Variants in SCP2 observed in about 807,000 individuals in gnomAD.
SCP2 encodes SCP-2/3-oxoacyl-CoA thiolase.
In SCP2, 48 loss-of-function variants were observed where a neutral mutation model predicts 71.4. The observed-to-expected ratio is 0.67, with a 90% CI of 0.53 to 0.86. SCP2 has a LOEUF of 0.86. Among genes scored for constraint, SCP2 ranks in the 40% least tolerant of loss-of-function variants. SCP2 has a pLI of 0.00. For synonymous variants in SCP2, 220 were observed against 218.1 expected, an observed-to-expected ratio of 1.01 and a Z score of -0.08; for missense variants, 560 against 655.6, an observed-to-expected ratio of 0.85 and a Z score of 1.59.
chr1:53,036,423 A>T (rs552064990), intron 13 of SCP2, among the ~76,000 whole-genome samples: 30 of 150,274 alleles, frequency 2.0e-4, no homozygotes, highest in Non-Finnish European at 1.5e-4. Flanking sequence ...AATCCCTAGA[A>T]TTAAACTTTG....
intron 11 of SCP2, among the ~76,000 whole-genome samples, chr1:53,001,937 C>A (rs920320125): frequency 6.6e-6 from 1 of 152,128 alleles, no homozygotes; most frequent in Non-Finnish European, 1.5e-5. Context: ...GTAATCCCAG[C>A]ACTTTGGGAG....
chr1:53,039,460 C>G (rs1663265196), intron 14 of SCP2, among the ~76,000 whole-genome samples: 1 of 152,206 alleles, frequency 6.6e-6, no homozygotes, highest in Non-Finnish European at 1.5e-5. Context: ...GGCTGGTGGC[C>G]TTGGAAGACC....
rs529590854 is a variant in SCP2 at position 52,931,640 on chromosome 1, C to A, written c.69+4175C>A. 4.9e-4 allele frequency among the ~76,000 whole-genome samples: 75 copies of A among 152,324 alleles called. 1 individual carries two copies. Among genetic ancestry groups the A allele is most frequent in the African/African-American group, 1.6e-3 (68 of 41,566 alleles). The stretch of plus-strand genomic sequence containing the variant: ...TGGAATGGCTGCAGAGAAAAGCCAG[C>A]TTGCTACTCCATCATCTTGTGGTGA... On this transcript the variant is annotated intron_variant, in intron 1 of 15. Transcript: ENST00000371514.
intron 12 of SCP2, among the ~76,000 whole-genome samples, chr1:53,024,448 G>A (rs2150240881): frequency 6.6e-6 from 1 of 152,058 alleles, no homozygotes; most frequent in Admixed American, 6.6e-5. Flanking sequence ...AATATGGTTA[G>A]GATGGTAAAT....
At chr1:52,971,554 C>T (rs181391238) in intron 6 of SCP2, among the ~76,000 whole-genome samples, 274 of 152,294 alleles carry the variant, frequency 1.8e-3, no homozygotes, top group African/African-American at 5.9e-3. Context: ...CGTGTGTACA[C>T]GGGAACATTC....
chr1:52,986,637 C>T (rs1659003919), intron 10 of SCP2, among the ~76,000 whole-genome samples: 2 of 152,194 alleles, frequency 1.3e-5, no homozygotes, highest in East Asian at 1.9e-4. Context: ...AATCCTAGAT[C>T]TCTTGCTGTT....
At chr1:52,932,545 T>TA (rs1653257366) in intron 1 of SCP2, among the ~76,000 whole-genome samples, 1 of 152,080 alleles carries the variant, frequency 6.6e-6, no homozygotes, top group South Asian at 2.1e-4. Flanking sequence ...CAGGGTAACA[T>TA]AGAATAGTGA....
chr1:52,947,901 A>G (rs1654945873), intron 2 of SCP2, 108 bp from the exon 3 acceptor site: 9 of 763,496 alleles, frequency 1.2e-5, no homozygotes, highest in Admixed American at 7.2e-5. Context: ...TGAATTGAGC[A>G]TAGACTATAT....
chr1:52,980,254 A>G lies in SCP2; in HGVS notation c.826-142A>G, dbSNP rs570664127. 79 of 713,092 alleles carry G rather than the reference A, an allele frequency of 1.1e-4. No individual in the cohort carries two copies. The African/African-American group carries it at 1.2e-3, about 11-fold the overall frequency. The allele number at this position is 713,092 out of a possible 1,614,324, so 44.2% of individuals were successfully genotyped here. A position where few individuals can be genotyped will look rare whatever the true frequency, so the allele number is the denominator to read the frequency against. ...TTCCCAAAGTGCTTGGATTATAGGC[A>G]TGAGCCAATGCACCTGGGCAAAAAT... On this transcript the variant is annotated intron_variant, in intron 9 of 15. Transcript: ENST00000371514.
Position 52,950,798 on chromosome 1 carries a change from A to G in SCP2, c.243A>G (p.Gly81=). ...AGAGGGCTATCTATCACAGTTTGGG[A>G]ATGACTGGAATTCCTATAATCAATG... ...CGQRAIYHSL[G]MTGIPIINVN... Residue 81 remains glycine (G), a synonymous_variant, in exon 4 of 16, where the codon GGA becomes GGG. Transcript: ENST00000371514. The G allele has an allele frequency of 1.9e-6, 3 of 1,613,746 alleles. No homozygotes were observed. The highest frequency in any genetic ancestry group is 1.3e-5 in the African/African-American group (1 of 75,004).
intron 2 of SCP2, among the ~76,000 whole-genome samples, chr1:52,942,694 GTTTTTTTTTT>G (rs147939561): frequency 8.3e-6 from 1 of 120,568 alleles, no homozygotes; most frequent in South Asian, 2.8e-4. Flanking sequence ...AATTTAACAG[GTTTTTTTTTT>G]TTTTTTTTTT....
chr1:52,995,656 G>T, intron 11 of SCP2: 1 of 679,336 alleles, frequency 1.5e-6, no homozygotes, highest in Non-Finnish European at 2.8e-6. Context: ...TGCTGTCTTT[G>T]TGGATGGATG....
At chr1:53,005,858 G>T (rs1032337578) in intron 11 of SCP2, among the ~76,000 whole-genome samples, 2 of 152,018 alleles carry the variant, frequency 1.3e-5, no homozygotes, top group African/African-American at 4.8e-5. Context: ...CAAACCCATC[G>T]CAAAGAAGCT....
intron 13 of SCP2, among the ~76,000 whole-genome samples, chr1:53,033,912 TG>T (rs1389672315): frequency 2.0e-5 from 3 of 152,218 alleles, no homozygotes; most frequent in Non-Finnish European, 4.4e-5. Context: ...CATCAGCTGC[TG>T]AATACATAAA....
rs2150263710 is a variant in SCP2 at position 53,039,059 on chromosome 1, A to G, written c.1468+13A>G. On this transcript the variant is annotated intron_variant, in intron 14 of 15. Transcript: ENST00000371514. ...CTTCCTAACTCAGGTTAGTTTGGGA[A>G]TGACTTCATTCTAGGAGCACTGACG... is the stretch of plus-strand genomic sequence containing the variant. 1.9e-6 allele frequency: 3 copies of G among 1,614,104 alleles called. No individual in the cohort carries two copies. The highest frequency in any genetic ancestry group is 2.5e-6 in the Non-Finnish European group (3 of 1,179,966).
At chr1:52,996,402 C>T (rs951985499) in intron 11 of SCP2, among the ~76,000 whole-genome samples, 4 of 152,070 alleles carry the variant, frequency 2.6e-5, no homozygotes, top group South Asian at 2.1e-4. Flanking sequence ...AAGCCCAAAG[C>T]GAAAGATGGT....
chr1:53,045,303 G>A (rs6588458), intron 14 of SCP2, among the ~76,000 whole-genome samples: 47,907 of 152,038 alleles, frequency 0.32, 12,545 homozygotes, highest in African/African-American at 0.71. Context: ...TCATACAAAT[G>A]GAACCATAGA....
chr1:53,038,263 C>T (rs879908189), intron 13 of SCP2, among the ~76,000 whole-genome samples: 14,806 of 151,408 alleles, frequency 0.098, 1,422 homozygotes, highest in African/African-American at 0.21. Flanking sequence ...TACACACACA[C>T]ACACGGAGAA....
intron 12 of SCP2, among the ~76,000 whole-genome samples, chr1:53,027,396 C>T (rs1662209045): frequency 6.6e-6 from 1 of 152,062 alleles, no homozygotes; most frequent in Non-Finnish European, 1.5e-5. Flanking sequence ...GTCTCCTCCA[C>T]TAGGATGTAA....
Sources: gnomAD v4.1 joint callset for allele counts (sites outside exome capture counted in the v4.1 genomes callset) on GRCh38, gnomAD v4.1.1 for gene constraint, MANE v1.5 for transcripts, NCBI Gene and HGNC (gene_info 2026-07-23, HGNC 2026-07-21) for gene names.